Variants in DMBT1 observed in about 807,000 individuals in gnomAD.
DMBT1 encodes scavenger receptor cysteine-rich domain-containing protein DMBT1.
In DMBT1, 198 loss-of-function variants were observed where a neutral mutation model predicts 252.9. The ratio of observed to expected loss-of-function variants is 0.78; its 90% CI spans 0.70 to 0.88. DMBT1 has a LOEUF of 0.88. DMBT1 is among the 40% of genes least tolerant of loss of function. DMBT1 has a pLI of 0.00. For synonymous variants in DMBT1, 990 were observed against 942.7 expected (o/e 1.05, Z -0.92); for missense variants, 2,432 against 2,404.7 (o/e 1.01, Z -0.24).
At chr10:122,561,903 C>CTGTCTG (rs2097550268) in intron 1 of DMBT1, among the ~76,000 whole-genome samples, 1 of 151,110 alleles carries the variant, frequency 6.6e-6, no homozygotes. Context: ...ACCTTTCTCT[C>CTGTCTG]TGTCTCTGTC....
chr10:122,618,612 C>G (rs924557454), intron 41 of DMBT1, among the ~76,000 whole-genome samples: 1 of 152,224 alleles, frequency 6.6e-6, no homozygotes, highest in Non-Finnish European at 1.5e-5. Context: ...GAGAAAAGTG[C>G]TGGCTCCCCA....
intron 26 of DMBT1, 130 bp downstream of exon 26, chr10:122,599,227 T>C: frequency 2.0e-6 from 3 of 1,505,076 alleles, no homozygotes; most frequent in Non-Finnish European, 1.8e-6. Flanking sequence ...ACTTGTTAGC[T>C]CTCTGCTAAG....
intron 28 of DMBT1, 107 bp downstream of exon 28, chr10:122,601,130 C>T: frequency 4.3e-6 from 2 of 466,908 alleles, no homozygotes; most frequent in Non-Finnish European, 7.2e-6. Context: ...TTTCACTCCC[C>T]TGTGGGTTGC....
Position 122,640,040 on chromosome 10 carries a change from G to T in DMBT1, c.6943G>T (p.Ala2315Ser). ...CTGCTCTCTTGCCTGCCTCTCCTAG[G>T]CAGACAATGACACCATCGACTATTC... ...PYSGCGTFKQ[A>S]DNDTIDYSNF... The change falls in exon 55 of 56, where the codon GCA (alanine) becomes TCA (serine). Residue 2315 changes from alanine to serine, a missense_variant and splice_region_variant. By Grantham distance (99) the Ala-to-Ser change is moderately conservative. This residue lies in a region of DMBT1 where 1,162 missense variants were observed against 1,169.0 expected (regional missense o/e 0.99). Coordinates refer to ENST00000338354, the MANE Select transcript of DMBT1 (RefSeq NM_001377530.1). 1 of 1,612,866 alleles carries T rather than the reference G, an allele frequency of 6.2e-7. No individual in the cohort carries two copies. Among genetic ancestry groups the T allele is most frequent in the Non-Finnish European group, 8.5e-7 (1 of 1,179,104 alleles).
Position 122,643,211 on chromosome 10 carries a change from G to A in DMBT1, c.7442G>A (p.Arg2481His), listed in dbSNP as rs1455738382. The A allele has an allele frequency of 5.6e-6, 9 of 1,613,814 alleles. No homozygotes were observed. In the East Asian group the frequency reaches 8.9e-5, roughly 16 times the overall value. ...TTCAGGGCCTTCCACTTCCTGAACC[G>A]CTTCCCCTCCGTGTACCTGCGTTGT... ...FRFRAFHFLN[R>H]FPSVYLRCKM... Residue 2481 changes from arginine (R) to histidine (H), a missense_variant, in exon 56 of 56, where the codon CGC becomes CAC. Coordinates refer to ENST00000338354, the MANE Select transcript of DMBT1 (RefSeq NM_001377530.1).
chr10:122,636,535 AG>A (rs1172787245), intron 53 of DMBT1, among the ~76,000 whole-genome samples: 3 of 152,214 alleles, frequency 2.0e-5, no homozygotes, highest in Non-Finnish European at 4.4e-5. Flanking sequence ...TGACCTTCTC[AG>A]AGTGTGGGAC....
chr10:122,624,838 A>G (rs985114403), intron 44 of DMBT1, among the ~76,000 whole-genome samples: 6 of 152,212 alleles, frequency 3.9e-5, no homozygotes, highest in African/African-American at 1.4e-4. Flanking sequence ...ATGCTGTGTC[A>G]TCTGTTCAGA....
chr10:122,570,085 A>C, intron 2 of DMBT1, 77 bp from the exon 3 acceptor site: 2 of 1,322,020 alleles, frequency 1.5e-6, no homozygotes, highest in South Asian at 1.2e-5. Context: ...TTCTTGCTTG[A>C]GAGCTGAGGA....
rs570533238 is a variant in DMBT1 at position 122,586,244 on chromosome 10, G to T, written c.1644G>T (p.Arg548=). ...GWAMLAPGNA[R]FGQGSGPIVL... is the part of the protein sequence containing the mutation. ...CCATGTTGGCCCCAGGAAATGCCCG[G>T]TTTGGTCAGGGCTCAGGACCCATTG... is the stretch of plus-strand genomic sequence containing the variant. Residue 548 remains arginine (R), a synonymous_variant, in exon 16 of 56, where the codon CGG becomes CGT. Coordinates refer to ENST00000338354, the MANE Select transcript of DMBT1 (RefSeq NM_001377530.1). The T allele has an allele frequency of 6.3e-7, 1 of 1,588,894 alleles. No homozygotes were observed. The highest frequency in any genetic ancestry group is 1.3e-5 in the African/African-American group (1 of 74,626).
At chr10:122,617,565 C>G (rs187530533) in intron 40 of DMBT1, among the ~76,000 whole-genome samples, 8 of 151,742 alleles carry the variant, frequency 5.3e-5, no homozygotes, top group African/African-American at 1.7e-4. Flanking sequence ...CCTCTGACCA[C>G]GCACTGCAGA....
rs1465308962 is a variant in DMBT1 at position 122,631,005 on chromosome 10, T to C, written c.6070T>C (p.Cys2024Arg). The change falls in exon 49 of 56, where the codon TGT becomes CGT. Residue 2024 changes from cysteine to arginine, a missense_variant. By Grantham distance (180) the Cys-to-Arg change is radical. Coordinates refer to ENST00000338354, the MANE Select transcript of DMBT1 (RefSeq NM_001377530.1). ...CAATTTAAATTCATCCTATGGTCTA[T>C]GTGCCGGGCGTGTAGAAATTTACCA... Reference protein sequence around the residue: ...LVNLNSSYGLCAGRVEIYHGG... With the variant: ...LVNLNSSYGLRAGRVEIYHGG... The C allele has an allele frequency of 6.2e-7, 1 of 1,612,316 alleles. No homozygotes were observed. The highest frequency in any genetic ancestry group is 1.3e-5 in the African/African-American group (1 of 75,012).
At chr10:122,566,176 A>C (rs2981769) in intron 2 of DMBT1, among the ~76,000 whole-genome samples, 180 bp downstream of exon 2, 101,980 of 152,082 alleles carry the variant, frequency 0.67, 34,560 homozygotes, top group East Asian at 0.77. Flanking sequence ...TCTCAAGTGC[A>C]CACTCGGCCA....
intron 1 of DMBT1, among the ~76,000 whole-genome samples, chr10:122,564,509 A>G (rs1339063199): frequency 1.2e-5 from 1 of 84,888 alleles, no homozygotes; most frequent in Non-Finnish European, 2.7e-5. Context: ...GTAAAAAGAA[A>G]AGGAATAATG....
chr10:122,587,278 G>A (rs1210933862), intron 16 of DMBT1, among the ~76,000 whole-genome samples: 7 of 148,500 alleles, frequency 4.7e-5, no homozygotes, highest in Admixed American at 4.0e-4. Flanking sequence ...ATGCTGGGAA[G>A]GGAGGGTTTT....
At chr10:122,565,881 G>A (rs1042865863) in intron 1 of DMBT1, 86 bp from the exon 2 acceptor site, 2 of 1,345,044 alleles carry the variant, frequency 1.5e-6, no homozygotes, top group Non-Finnish European at 2.1e-6. Flanking sequence ...TGGTGTGATT[G>A]TACGGTGAAG....
At chr10:122,590,794 T>C in intron 18 of DMBT1, 100 bp downstream of exon 18, 1 of 1,409,352 alleles carries the variant, frequency 7.1e-7, no homozygotes. Flanking sequence ...GTGTGGATAC[T>C]GTGGGTCATA....
At chr10:122,639,257 A>G (rs1289884758) in intron 54 of DMBT1, among the ~76,000 whole-genome samples, 4 of 152,352 alleles carry the variant, frequency 2.6e-5, no homozygotes, top group African/African-American at 9.6e-5. Flanking sequence ...ACAGGGTTCA[A>G]TGGAAAGCAC....
Position 122,631,248 on chromosome 10 carries a change from A to G in DMBT1, c.6313A>G (p.Asn2105Asp). Residue 2105 changes from asparagine (N) to aspartate (D), a missense_variant, in exon 49 of 56, where the codon AAT (asparagine) becomes GAT (aspartate). Physicochemically the swap from Asn to Asp is conservative, Grantham distance 23 (BLOSUM62 1). Transcript: ENST00000338354. Reference sequence around the variant, plus strand: ...CCGAGGCTGGTTCTCCCACAACTGTAATCATCGTGAAGATGCTGGTGTCAT... The same window carrying G: ...CCGAGGCTGGTTCTCCCACAACTGTGATCATCGTGAAGATGCTGGTGTCAT... Reference protein sequence around the residue: ...RNRGWFSHNCNHREDAGVICS... With the variant: ...RNRGWFSHNCDHREDAGVICS... 1 of 1,614,008 alleles carries G rather than the reference A, an allele frequency of 6.2e-7. No homozygotes were observed. The highest frequency in any genetic ancestry group is 8.5e-7 in the Non-Finnish European group (1 of 1,179,896).
intron 26 of DMBT1, 41 bp from the exon 27 acceptor site, chr10:122,600,023 T>G: frequency 6.2e-7 from 1 of 1,607,304 alleles, no homozygotes; most frequent in Non-Finnish European, 8.5e-7. Context: ...CCGACTTCTG[T>G]GTAATGTTCC....
Sources: gnomAD v4.1 joint callset for allele counts (sites outside exome capture counted in the v4.1 genomes callset) on GRCh38, gnomAD v4.1.1 for gene constraint, gnomAD v4.1.1 regional missense constraint, MANE v1.5 for transcripts, NCBI Gene and HGNC (gene_info 2026-07-23, HGNC 2026-07-21) for gene names.